EPB41: variants seen among roughly 807,000 people sequenced by gnomAD.
EPB41 encodes protein 4.1.
In EPB41, 65 loss-of-function variants were observed where a neutral mutation model predicts 108.0. The ratio of observed to expected loss-of-function variants is 0.60; its 90% CI spans 0.49 to 0.74. The LOEUF (loss-of-function observed/expected upper bound fraction) is 0.74. EPB41 is among the 30% of genes least tolerant of loss of function. EPB41 has a pLI of 0.00. For synonymous variants in EPB41, 336 were observed against 358.9 expected, an observed-to-expected ratio of 0.94 and a Z score of 0.72; for missense variants, 875 against 1,037.0, an observed-to-expected ratio of 0.84 and a Z score of 2.15.
intron 1 of EPB41, among the ~76,000 whole-genome samples, chr1:28,906,439 TA>T (rs2091835637): frequency 6.6e-6 from 1 of 152,098 alleles, no homozygotes; most frequent in African/African-American, 2.4e-5. Context: ...CCTCCCCTAG[TA>T]AGAGAGAATT....
chr1:28,984,641 A>AT (rs1557910259), intron 1 of EPB41, among the ~76,000 whole-genome samples: 1 of 149,866 alleles, frequency 6.7e-6, no homozygotes, highest in Non-Finnish European at 1.5e-5. Context: ...AAATCAATTC[A>AT]TTTTTTTAAA....
intron 3 of EPB41, 73 bp from the exon 4 acceptor site, chr1:28,997,142 T>C: frequency 9.0e-7 from 1 of 1,108,044 alleles, no homozygotes. Flanking sequence ...ACAGAGTGAA[T>C]CCCCATCTCT....
chr1:28,906,126 C>A (rs2091810187), intron 1 of EPB41, among the ~76,000 whole-genome samples: 1 of 152,140 alleles, frequency 6.6e-6, no homozygotes, highest in African/African-American at 2.4e-5. Context: ...GCCCCAATTT[C>A]TCAATTTCTT....
intron 1 of EPB41, among the ~76,000 whole-genome samples, chr1:28,965,995 C>T (rs2095347543): frequency 6.6e-6 from 1 of 151,920 alleles, no homozygotes; most frequent in Admixed American, 6.6e-5. Context: ...CCAGCCTGGC[C>T]AACATGACGA....
intron 16 of EPB41, among the ~76,000 whole-genome samples, chr1:29,067,360 G>A (rs1295867548): frequency 6.6e-6 from 1 of 152,042 alleles, no homozygotes; most frequent in African/African-American, 2.4e-5. Flanking sequence ...GCCAGGTGTG[G>A]TGGCAGGCAC....
intron 1 of EPB41, among the ~76,000 whole-genome samples, chr1:28,945,093 GAAA>G (rs1224949262): frequency 2.1e-5 from 2 of 96,320 alleles, no homozygotes; most frequent in African/African-American, 3.5e-5. Flanking sequence ...CTCAAAAAAA[GAAA>G]AAAAAAAAAA....
intron 11 of EPB41, among the ~76,000 whole-genome samples, chr1:29,048,319 A>G (rs1643883575): frequency 6.6e-6 from 1 of 151,666 alleles, no homozygotes; most frequent in East Asian, 1.9e-4. Flanking sequence ...GGTTCAAACA[A>G]TTCTCCTGCC....
chr1:28,920,071 A>G (rs1196573646), intron 1 of EPB41, among the ~76,000 whole-genome samples: 1 of 152,112 alleles, frequency 6.6e-6, no homozygotes, highest in Non-Finnish European at 1.5e-5. Context: ...AGCTTGGGTA[A>G]GGTTAAAGAA....
At chr1:29,034,943 A>ATACGTGT (rs1175382061) in intron 9 of EPB41, among the ~76,000 whole-genome samples, 5 of 147,640 alleles carry the variant, frequency 3.4e-5, no homozygotes, top group Non-Finnish European at 7.5e-5. Context: ...TTCACAATGT[A>ATACGTGT]TACGTGTTTC....
At chr1:29,083,471 G>T (rs983727078) in intron 16 of EPB41, among the ~76,000 whole-genome samples, 1 of 152,080 alleles carries the variant, frequency 6.6e-6, no homozygotes, top group African/African-American at 2.4e-5. Flanking sequence ...GGTAATTTTT[G>T]TTCTTCTGTC....
At chr1:28,914,154 A>G (rs530529751), upstream of EPB41, among the ~76,000 whole-genome samples, 150 of 152,320 alleles carry the variant, frequency 9.8e-4, 3 homozygotes, top group South Asian at 0.03. Context: ...GCCTGGCTAC[A>G]ACCTCTACGC....
intron 1 of EPB41, among the ~76,000 whole-genome samples, chr1:28,892,231 C>T (rs1458856187): frequency 6.6e-6 from 1 of 152,098 alleles, no homozygotes; most frequent in Non-Finnish European, 1.5e-5. Flanking sequence ...GTACCCCTCA[C>T]CCATGCTGGG....
At chr1:29,023,635 C>T (rs770778409) in intron 7 of EPB41, among the ~76,000 whole-genome samples, 1 of 151,646 alleles carries the variant, frequency 6.6e-6, no homozygotes, top group South Asian at 2.1e-4. Context: ...TGCAGTGAAC[C>T]GAGATCATGC....
intron 1 of EPB41, among the ~76,000 whole-genome samples, chr1:28,940,642 ACT>A (rs1430853632): frequency 6.6e-6 from 1 of 152,026 alleles, no homozygotes; most frequent in Non-Finnish European, 1.5e-5. Context: ...ACAGAGCGAG[ACT>A]CTGTGTCAAA....
rs775806350 is a variant in EPB41 at position 29,030,441 on chromosome 1, A to G, written c.1166A>G (p.Asn389Ser). The change falls in exon 8 of 21, where the codon AAT becomes AGT. Residue 389 changes from asparagine to serine, a missense_variant. This residue lies in a region of EPB41 where 519 missense variants were observed against 627.3 expected (regional missense o/e 0.83). Coordinates refer to ENST00000343067, the MANE Select transcript of EPB41 (RefSeq NM_001376013.1). The part of the protein sequence containing the change: ...PAQADLEFLE[N>S]AKKLSMYGVD... ...CAGGCTGACTTGGAGTTTCTTGAGAATGCCAAAAAGTTGTCTATGTATGGA... is the reference window on the plus strand; with the variant it reads ...CAGGCTGACTTGGAGTTTCTTGAGAGTGCCAAAAAGTTGTCTATGTATGGA... The G allele has an allele frequency of 3.1e-6, 5 of 1,614,176 alleles. No individual in the cohort carries two copies. The highest frequency in any genetic ancestry group is 2.2e-5 in the South Asian group (2 of 91,092).
chr1:28,940,917 T>C (rs554634019), intron 1 of EPB41, among the ~76,000 whole-genome samples: 1 of 152,198 alleles, frequency 6.6e-6, no homozygotes, highest in Non-Finnish European at 1.5e-5. Flanking sequence ...CTTTTCTTAC[T>C]GGGAACTTTT....
At chr1:28,962,681 C>T (rs2095254136) in intron 1 of EPB41, among the ~76,000 whole-genome samples, 1 of 152,092 alleles carries the variant, frequency 6.6e-6, no homozygotes, top group South Asian at 2.1e-4. Flanking sequence ...AACTTTCTGT[C>T]TCTGGATTTG....
chr1:29,067,043 A>C (rs557789067), intron 16 of EPB41, among the ~76,000 whole-genome samples: 1 of 151,494 alleles, frequency 6.6e-6, no homozygotes, highest in South Asian at 2.1e-4. Flanking sequence ...AGTTTCTGGA[A>C]CTGGAGAAGG....
In EPB41 at chr1:28,987,689, C is replaced by G. The variant is rs768350524; in HGVS notation, c.252C>G (p.Ser84=). The G allele has an allele frequency of 3.1e-6, 5 of 1,614,110 alleles. No individual in the cohort carries two copies. The highest frequency in any genetic ancestry group is 2.5e-6 in the Non-Finnish European group (3 of 1,180,054). The change falls in exon 2 of 21, where the codon TCC becomes TCG. Residue 84 remains serine, a synonymous_variant. Transcript: ENST00000343067. ...SESRGLSRLF[S]SFLKRPKSQV... is the part of the protein sequence containing the mutation. ...GCAGAGGACTTTCACGACTATTCTCCTCGTTTCTCAAAAGGCCCAAATCTC... is the reference window on the plus strand; with the variant it reads ...GCAGAGGACTTTCACGACTATTCTCGTCGTTTCTCAAAAGGCCCAAATCTC...
Sources: allele counts gnomAD v4.1 joint callset (sites outside exome capture counted in the v4.1 genomes callset), GRCh38; gene constraint gnomAD v4.1.1; regional missense constraint gnomAD v4.1.1; transcripts MANE v1.5; gene names NCBI Gene and HGNC (gene_info 2026-07-23, HGNC 2026-07-21).